Variants in SRGN observed in about 807,000 individuals in gnomAD.
SRGN encodes the protein hematopoetic proteoglycan core peptide.
SRGN carries 2 observed loss-of-function variants against 9.5 expected under a neutral mutation model. That is an observed-to-expected ratio of 0.21 (90% CI 0.09 to 0.66). The LOEUF is 0.66. Among genes scored for constraint, SRGN ranks in the 30% least tolerant of loss-of-function variants. The pLI, the probability that SRGN is intolerant of heterozygous loss-of-function variation, is 0.83. For missense variants in SRGN, 170 were observed against 192.4 expected, an observed-to-expected ratio of 0.88 and a Z score of 0.69; for synonymous variants, 59 against 72.3, an observed-to-expected ratio of 0.82 and a Z score of 0.93.
chr10:69,095,422 C>T (rs539822237), intron 1 of SRGN, among the ~76,000 whole-genome samples: 5 of 152,096 alleles, frequency 3.3e-5, no homozygotes, highest in African/African-American at 9.6e-5. Flanking sequence ...TTAAAACTAC[C>T]CTTCCTGACT....
rs1195514828 is a variant in SRGN, at chr10:69,097,104, AG to A, written c.102del (p.Arg34SerfsTer37). 1.2e-6 allele frequency: 2 copies of A among 1,613,892 alleles called. No homozygotes were observed. Among genetic ancestry groups the A allele is most frequent in the African/African-American group, 2.7e-5 (2 of 74,922 alleles). On this transcript the variant is annotated frameshift_variant, in exon 2 of 3. Transcript: ENST00000242465. LOFTEE classifies it high-confidence loss of function. ...GGCAGGTTATCCTACGCGGAGAGCC[AG>A]GTACCAATGGGTGCGCTGCAATCCA... ...SVQGYPTRRA[R>X]YQWVRCNPDS... is the part of the protein sequence containing the mutation.
At chr10:69,094,647 T>C (rs1198067308) in intron 1 of SRGN, among the ~76,000 whole-genome samples, 8 of 152,330 alleles carry the variant, frequency 5.3e-5, no homozygotes, top group Admixed American at 5.2e-4. Context: ...CAGGCTGAAG[T>C]GCAGCCGTGC....
chr10:69,096,889 G>A (rs972777738), intron 1 of SRGN, among the ~76,000 whole-genome samples, 195 bp from the exon 2 acceptor site: 2 of 152,166 alleles, frequency 1.3e-5, no homozygotes, highest in African/African-American at 2.4e-5. Context: ...AGCTACTCAA[G>A]AGGCTGGGGT....
In SRGN at chr10:69,104,140, G is replaced by A; in HGVS notation, c.*20G>A. On this transcript the variant is annotated 3_prime_UTR_variant, in exon 3 of 3. Transcript: ENST00000242465. ...TTATAAAAGAGGATTTTCCCACCTT[G>A]ACACCAGGCAATGTAGTTAGCATAT... The A allele has an allele frequency of 6.2e-7, 1 of 1,609,060 alleles. No individual in the cohort carries two copies. Among genetic ancestry groups the A allele is most frequent in the Non-Finnish European group, 8.5e-7 (1 of 1,175,962 alleles).
At position 69,104,174 on chromosome 10, in the gene SRGN, C is replaced by A; in HGVS notation, c.*54C>A. On this transcript the variant is annotated 3_prime_UTR_variant, in exon 3 of 3. Transcript: ENST00000242465. ...CAATGTAGTTAGCATATTTTATGTA[C>A]CATGGTTATATGATTAATCTTGGGA... 1 of 1,567,210 alleles carries A rather than the reference C, an allele frequency of 6.4e-7. No individual in the cohort carries two copies.
At chr10:69,091,772 C>A (rs200965620) in intron 1 of SRGN, among the ~76,000 whole-genome samples, 1 of 147,958 alleles carries the variant, frequency 6.8e-6, no homozygotes, top group Non-Finnish European at 1.5e-5. Context: ...CCCAGCTACT[C>A]GAGAGGCTGA....
Position 69,103,948 on chromosome 10 carries a change from C to T in SRGN, c.305C>T (p.Ser102Phe), listed in dbSNP as rs778934693. The change falls in exon 3 of 3, where the codon TCC (serine) becomes TTC (phenylalanine). Residue 102 changes from serine (S) to phenylalanine (F), a missense_variant. By Grantham distance (155) the Ser-to-Phe change is radical (BLOSUM62 -2). Transcript: ENST00000242465. The part of the protein sequence containing the change: ...DYSGSGFGSG[S>F]GSGSGSGSGF... ...TCTGGATCAGGCTTCGGCTCCGGCT[C>T]CGGCTCTGGATCAGGATCTGGGAGT... The T allele has an allele frequency of 6.2e-7, 1 of 1,614,192 alleles. No homozygotes were observed. The highest frequency in any genetic ancestry group is 1.1e-5 in the South Asian group (1 of 91,080).
intron 2 of SRGN, among the ~76,000 whole-genome samples, chr10:69,098,306 T>C (rs2805913): frequency 0.74 from 113,011 of 152,146 alleles, 44,192 homozygotes; most frequent in Non-Finnish European, 0.88. Context: ...TTATGCAGAG[T>C]GAAGGAAGGC....
upstream of SRGN, chr10:69,087,978 C>T: frequency 1.6e-6 from 1 of 613,636 alleles, no homozygotes; most frequent in Non-Finnish European, 2.9e-6. Context: ...GTGTTCCCCC[C>T]ACCCCCTTTC....
Position 69,097,164 on chromosome 10 carries a change from G to A in SRGN, c.160G>A (p.Gly54Arg), listed in dbSNP as rs1840191621. The change falls in exon 2 of 3, where the codon GGA (glycine) becomes AGA (arginine). Residue 54 changes from glycine to arginine, a missense_variant. Physicochemically the swap from Gly to Arg is moderately radical, Grantham distance 125 (BLOSUM62 -2). Transcript: ENST00000242465. ...SNSANCLEEK[G>R]PMFELLPGES... The stretch of plus-strand genomic sequence containing the variant: ...TTCTGCAAACTGCCTTGAAGAAAAA[G>A]GACCAATGTTCGAACTACTTCCAGG... The A allele has an allele frequency of 3.7e-6, 6 of 1,614,084 alleles. No individual in the cohort carries two copies. The highest frequency in any genetic ancestry group is 5.1e-6 in the Non-Finnish European group (6 of 1,179,982).
intron 2 of SRGN, 98 bp from the exon 3 acceptor site, chr10:69,103,773 G>A: frequency 7.9e-7 from 1 of 1,270,708 alleles, no homozygotes; most frequent in Non-Finnish European, 1.1e-6. Flanking sequence ...CAACTAGATG[G>A]CTGTATTTAT....
At chr10:69,088,713 T>G (rs1315220135) in intron 1 of SRGN, among the ~76,000 whole-genome samples, 2 of 111,384 alleles carry the variant, frequency 1.8e-5, no homozygotes, top group African/African-American at 5.5e-5. Flanking sequence ...GTATTTTCTT[T>G]TCTTTTTTTT....
Position 69,103,533 on chromosome 10 carries a change from ACT to A in SRGN, c.228-335_228-334del, listed in dbSNP as rs535725277. On this transcript the variant is annotated intron_variant, in intron 2 of 2. Coordinates refer to ENST00000242465, the MANE Select transcript of SRGN (RefSeq NM_002727.4). Reference sequence around the variant, plus strand: ...ACTCCAGCCTGGGCAACAGAGCAAGACTCTGCCTCCAAAAATAAAAATTAAAA... The same window carrying A: ...ACTCCAGCCTGGGCAACAGAGCAAGACTGCCTCCAAAAATAAAAATTAAAA... Among the ~76,000 whole-genome samples the A allele has an allele frequency of 5.2e-4, 79 of 152,214 alleles. 1 individual carries two copies. The highest frequency in any genetic ancestry group is 2.1e-3 in the South Asian group (10 of 4,824).
rs754734462 is a variant in SRGN, at chr10:69,104,151, A to G, written c.*31A>G. The G allele has an allele frequency of 3.1e-6, 5 of 1,605,358 alleles. No individual in the cohort carries two copies. Among genetic ancestry groups the G allele is most frequent in the Non-Finnish European group, 4.3e-6 (5 of 1,173,482 alleles). On this transcript the variant is annotated 3_prime_UTR_variant, in exon 3 of 3. Coordinates refer to ENST00000242465, the MANE Select transcript of SRGN (RefSeq NM_002727.4). ...GATTTTCCCACCTTGACACCAGGCAATGTAGTTAGCATATTTTATGTACCA... is the reference window on the plus strand; with the variant it reads ...GATTTTCCCACCTTGACACCAGGCAGTGTAGTTAGCATATTTTATGTACCA...
rs1255119664 is a variant in SRGN at position 69,104,495 on chromosome 10, A to T, written c.*375A>T. The T allele has an allele frequency of 6.4e-6, 1 of 155,552 alleles. No homozygotes were observed. The highest frequency in any genetic ancestry group is 2.5e-5 in the African/African-American group (1 of 40,568). The allele number at this position is 155,552 out of a possible 1,614,324, so 9.6% of individuals were successfully genotyped here. ...ATTAAGACTCTGACTTGGATTGTGAATTATAATGATATGCCCCTTTTCTTA... is the reference window on the plus strand; with the variant it reads ...ATTAAGACTCTGACTTGGATTGTGATTTATAATGATATGCCCCTTTTCTTA... On this transcript the variant is annotated 3_prime_UTR_variant, in exon 3 of 3. Coordinates refer to ENST00000242465, the MANE Select transcript of SRGN (RefSeq NM_002727.4).
intron 2 of SRGN, among the ~76,000 whole-genome samples, chr10:69,100,290 C>G (rs77898236): frequency 0.046 from 7,045 of 151,948 alleles, 232 homozygotes; most frequent in Non-Finnish European, 0.075. Context: ...TCCAGCTACT[C>G]GAAAGGCTGA....
At chr10:69,088,730 A>T (rs1483839275) in intron 1 of SRGN, among the ~76,000 whole-genome samples, 24 of 149,212 alleles carry the variant, frequency 1.6e-4, no homozygotes, top group African/African-American at 5.2e-4. Flanking sequence ...TTTTTTTTTT[A>T]AAGATAAACT....
intron 1 of SRGN, among the ~76,000 whole-genome samples, chr10:69,090,940 G>T (rs1418767128): frequency 6.6e-6 from 1 of 152,052 alleles, no homozygotes; most frequent in East Asian, 1.9e-4. Flanking sequence ...AAAAAAAATG[G>T]AATATCCATG....
intron 2 of SRGN, among the ~76,000 whole-genome samples, chr10:69,100,988 T>TCTTTCTTTCTTTCTTTC (rs1409236279): frequency 6.9e-6 from 1 of 144,992 alleles, no homozygotes; most frequent in African/African-American, 2.7e-5. Context: ...TTTCTTTCTT[T>TCTTTCTTTCTTTCTTTC]TTTTTTTTTT....
Sources: allele counts gnomAD v4.1 joint callset (sites outside exome capture counted in the v4.1 genomes callset), GRCh38; gene constraint gnomAD v4.1.1; transcripts MANE v1.5; gene names NCBI Gene and HGNC (gene_info 2026-07-23, HGNC 2026-07-21).